Variants in MACROD2 observed in about 807,000 individuals in gnomAD.
The protein encoded by MACROD2 is ADP-ribose glycohydrolase MACROD2.
In MACROD2, 36 loss-of-function variants were observed where a neutral mutation model predicts 70.4. That is an observed-to-expected ratio of 0.51 (90% CI 0.39 to 0.68). The LOEUF (loss-of-function observed/expected upper bound fraction) is 0.68, where lower values mean the gene tolerates loss of function less well. Among genes scored for constraint, MACROD2 ranks in the 30% least tolerant of loss-of-function variants. MACROD2 has a pLI of 0.00. For synonymous variants in MACROD2, 172 were observed against 178.8 expected, an observed-to-expected ratio of 0.96 and a Z score of 0.30; for missense variants, 496 against 538.4, an observed-to-expected ratio of 0.92 and a Z score of 0.78.
At chr20:14,662,439 A>G (rs1038441853) in intron 4 of MACROD2, among the ~76,000 whole-genome samples, 7 of 151,902 alleles carry the variant, frequency 4.6e-5, no homozygotes, top group African/African-American at 1.7e-4. Flanking sequence ...AAAATATTTT[A>G]TGACGAAGAC....
At chr20:15,766,941 CACA>C (rs893132839) in intron 8 of MACROD2, among the ~76,000 whole-genome samples, 1 of 152,194 alleles carries the variant, frequency 6.6e-6, no homozygotes, top group African/African-American at 2.4e-5. Context: ...AGCCCCCTTG[CACA>C]ACACTTTTCA....
rs570054241 is a variant in MACROD2, at chr20:15,573,483, C to G, written c.645+73636C>G. Among the ~76,000 whole-genome samples, 14 of 152,160 alleles carry G rather than the reference C, an allele frequency of 9.2e-5. No homozygotes were observed. In the East Asian group the frequency reaches 2.1e-3, roughly 23 times the overall value. On this transcript the variant is annotated intron_variant, in intron 8 of 17. Coordinates refer to ENST00000684519, the MANE Select transcript of MACROD2 (RefSeq NM_001351661.2). ...TCTCTAGTTTCCTTTCCTTAGTTCT[C>G]TAATCAAGGCATAGAAAGAAGACAG...
chr20:15,254,951 T>C (rs1213115084), intron 6 of MACROD2, among the ~76,000 whole-genome samples: 1 of 138,660 alleles, frequency 7.2e-6, no homozygotes, highest in East Asian at 2.0e-4. Context: ...TTTTTTTTTT[T>C]TTTCAGTTAA....
intron 5 of MACROD2, among the ~76,000 whole-genome samples, chr20:15,114,021 G>C (rs931669208): frequency 1.3e-5 from 2 of 152,070 alleles, no homozygotes; most frequent in South Asian, 4.2e-4. Flanking sequence ...TTTGAAGTCT[G>C]GCAGGCCTAC....
chr20:14,581,294 A>G (rs544917232), intron 4 of MACROD2, among the ~76,000 whole-genome samples: 7 of 152,232 alleles, frequency 4.6e-5, no homozygotes, highest in Non-Finnish European at 1.0e-4. Flanking sequence ...CTCATGTTCT[A>G]GCCACACTCC....
chr20:15,456,226 G>A (rs1275775253), intron 7 of MACROD2, among the ~76,000 whole-genome samples: 1 of 152,118 alleles, frequency 6.6e-6, no homozygotes, highest in African/African-American at 2.4e-5. Context: ...CCATGCCCCA[G>A]CCTCTAGAAT....
chr20:14,492,441 GTCACATATCTAACCTCATGGAAC>G (rs1387405719), intron 3 of MACROD2, among the ~76,000 whole-genome samples: 2 of 152,116 alleles, frequency 1.3e-5, no homozygotes, highest in African/African-American at 4.8e-5. Context: ...TCAGTAAACT[GTCACATATCTAACCTCATGGAAC>G]TCACATATCT....
intron 5 of MACROD2, among the ~76,000 whole-genome samples, chr20:14,785,192 C>A (rs1026034503): frequency 6.6e-6 from 1 of 151,930 alleles, no homozygotes; most frequent in Non-Finnish European, 1.5e-5. Flanking sequence ...CACACCCACA[C>A]ACACACGCAT....
chr20:15,361,659 C>T (rs912720631), intron 6 of MACROD2, among the ~76,000 whole-genome samples: 3 of 152,040 alleles, frequency 2.0e-5, no homozygotes, highest in African/African-American at 7.2e-5. Flanking sequence ...AATTGATATC[C>T]TTATTATGTC....
intron 5 of MACROD2, among the ~76,000 whole-genome samples, chr20:14,977,578 C>T (rs1012842814): frequency 3.9e-5 from 6 of 151,976 alleles, no homozygotes; most frequent in African/African-American, 1.5e-4. Flanking sequence ...TCCTCTCTGC[C>T]TCAGTTTCCT....
chr20:15,694,210 T>G (rs1740788604), intron 8 of MACROD2, among the ~76,000 whole-genome samples: 1 of 152,190 alleles, frequency 6.6e-6, no homozygotes, highest in Non-Finnish European at 1.5e-5. Context: ...TAATGACTTA[T>G]TTTCCTCTGG....
At chr20:15,841,666 C>T (rs1164318720) in intron 8 of MACROD2, among the ~76,000 whole-genome samples, 1 of 152,030 alleles carries the variant, frequency 6.6e-6, no homozygotes, top group Non-Finnish European at 1.5e-5. Flanking sequence ...CCACCAGGCC[C>T]TACCTCCAAC....
At position 15,421,763 on chromosome 20, in the gene MACROD2, A is replaced by G. The variant is rs570303896; in HGVS notation, c.541-9642A>G. Among the ~76,000 whole-genome samples the G allele has an allele frequency of 6.6e-4, 100 of 152,314 alleles. 1 individual carries two copies. The highest frequency in any genetic ancestry group is 2.3e-3 in the African/African-American group (96 of 41,568). ...GGTGATACAGCAATAAACAAAGCAA[A>G]GGTCTTCCTGGGAGTTTGCAACTCA... is the stretch of plus-strand genomic sequence containing the variant. On this transcript the variant is annotated intron_variant, in intron 6 of 17. Transcript: ENST00000684519.
At chr20:15,123,556 G>T (rs1403770260) in intron 5 of MACROD2, among the ~76,000 whole-genome samples, 2 of 151,838 alleles carry the variant, frequency 1.3e-5, no homozygotes, top group Non-Finnish European at 1.5e-5. Flanking sequence ...ATGTTTAAAG[G>T]TTAATATTTT....
At chr20:14,862,620 T>TAA (rs2073374879) in intron 5 of MACROD2, among the ~76,000 whole-genome samples, 22 of 17,678 alleles carry the variant, frequency 1.2e-3, no homozygotes, top group South Asian at 0.011. Context: ...TATATAAATA[T>TAA]ATATATATAA....
rs748542968 is a variant in MACROD2, at chr20:14,663,517, T to TAC, written c.302-21325_302-21324insCA. Among the ~76,000 whole-genome samples, 729 of 114,030 alleles carry TAC rather than the reference T, an allele frequency of 6.4e-3. 11 individuals are homozygous for TAC. Among genetic ancestry groups the TAC allele is most frequent in the African/African-American group, 0.03 (664 of 22,316 alleles). The allele number at this position is 114,030 out of a possible 152,430, so 74.8% of individuals were successfully genotyped here. ...ACATAATAAAAATAAAACAGGGATG[T>TAC]ATACACACACACACACACACACACA... is the stretch of plus-strand genomic sequence containing the variant. On this transcript the variant is annotated intron_variant, in intron 4 of 17. Transcript: ENST00000684519.
At chr20:15,693,121 T>C (rs2050319585) in intron 8 of MACROD2, among the ~76,000 whole-genome samples, 1 of 152,206 alleles carries the variant, frequency 6.6e-6, no homozygotes, top group African/African-American at 2.4e-5. Context: ...CCATTAAAAC[T>C]CTTTTCTTCA....
intron 5 of MACROD2, among the ~76,000 whole-genome samples, chr20:14,744,566 G>A (rs1203730805): frequency 6.6e-6 from 1 of 151,914 alleles, no homozygotes; most frequent in African/African-American, 2.4e-5. Context: ...TGAGAAAATG[G>A]CGGTCATAGT....
intron 4 of MACROD2, among the ~76,000 whole-genome samples, chr20:14,622,519 A>G (rs1224449767): frequency 1.3e-5 from 2 of 152,198 alleles, no homozygotes; most frequent in Non-Finnish European, 2.9e-5. Context: ...AAGAGTTGTT[A>G]GAGTTTGAGC....
Sources: gnomAD v4.1 joint callset for allele counts (sites outside exome capture counted in the v4.1 genomes callset) on GRCh38, gnomAD v4.1.1 for gene constraint, MANE v1.5 for transcripts, NCBI Gene and HGNC (gene_info 2026-07-23, HGNC 2026-07-21) for gene names.